The following MCU variants were observed in gnomAD, a reference collection of about 807,000 sequenced individuals.
MCU encodes mitochondrial calcium uniporter.
Under a neutral mutation model 45.2 loss-of-function variants are expected in MCU, and 12 were observed. That is an observed-to-expected ratio of 0.27 (90% CI 0.17 to 0.43). The LOEUF (loss-of-function observed/expected upper bound fraction) is 0.43, where lower values mean the gene tolerates loss of function less well. Among genes scored for constraint, MCU ranks in the 20% least tolerant of loss-of-function variants. MCU has a pLI of 1.00. For synonymous variants in MCU, 160 were observed against 165.1 expected (o/e 0.97, Z 0.24); for missense variants, 324 against 436.7 (o/e 0.74, Z 2.30).
chr10:72,835,494 A>G (rs1364687487), intron 2 of MCU, among the ~76,000 whole-genome samples: 2 of 152,238 alleles, frequency 1.3e-5, no homozygotes, highest in African/African-American at 4.8e-5. Context: ...AAGGGTGCCT[A>G]AAACTAAAGA....
intron 6 of MCU, among the ~76,000 whole-genome samples, chr10:72,876,425 A>G (rs1410554320): frequency 1.3e-5 from 2 of 152,140 alleles, no homozygotes; most frequent in Non-Finnish European, 2.9e-5. Flanking sequence ...TTTGTCTTTT[A>G]CAGTATGTAC....
chr10:72,739,057 G>A (rs539532889), intron 1 of MCU, among the ~76,000 whole-genome samples: 2 of 152,296 alleles, frequency 1.3e-5, no homozygotes, highest in African/African-American at 4.8e-5. Flanking sequence ...CACTTATACA[G>A]TGTGAACAGT....
At chr10:72,769,018 A>T (rs568329480) in intron 1 of MCU, among the ~76,000 whole-genome samples, 1 of 146,084 alleles carries the variant, frequency 6.8e-6, no homozygotes, top group East Asian at 2.0e-4. Flanking sequence ...TGCACAGCTA[A>T]TTTTTTTTTT....
chr10:72,827,651 G>GATAA (rs1390946190), intron 1 of MCU, among the ~76,000 whole-genome samples: 2 of 152,104 alleles, frequency 1.3e-5, no homozygotes, highest in African/African-American at 4.8e-5. Flanking sequence ...AATCTCTTAT[G>GATAA]GATATTGAAG....
At chr10:72,853,252 C>T (rs997182983) in intron 2 of MCU, among the ~76,000 whole-genome samples, 2 of 151,914 alleles carry the variant, frequency 1.3e-5, no homozygotes, top group Non-Finnish European at 2.9e-5. Context: ...TAAATATGAT[C>T]CTTATGCTCA....
chr10:72,749,766 T>C (rs1356441630), intron 1 of MCU, among the ~76,000 whole-genome samples: 1 of 152,104 alleles, frequency 6.6e-6, no homozygotes, highest in East Asian at 1.9e-4. Context: ...GTAGCTTTGC[T>C]ACCTTCTTTT....
At chr10:72,840,287 G>A (rs887985424) in intron 2 of MCU, among the ~76,000 whole-genome samples, 4 of 152,110 alleles carry the variant, frequency 2.6e-5, no homozygotes, top group African/African-American at 7.2e-5. Context: ...GATAATTAAT[G>A]ATATTGAACA....
intron 1 of MCU, among the ~76,000 whole-genome samples, chr10:72,726,256 C>CGTGTGTGTGTGTGTGT (rs60826955): frequency 2.1e-5 from 3 of 145,636 alleles, no homozygotes; most frequent in African/African-American, 7.5e-5. Context: ...CACACACACA[C>CGTGTGTGTGTGTGTGT]GTGTGTGTGT....
At chr10:72,784,471 A>C (rs1844042149) in intron 1 of MCU, among the ~76,000 whole-genome samples, 1 of 152,200 alleles carries the variant, frequency 6.6e-6, no homozygotes, top group Non-Finnish European at 1.5e-5. Context: ...TACAATTTTT[A>C]ATTGGCTACA....
chr10:72,822,064 T>G (rs911009974), intron 1 of MCU, among the ~76,000 whole-genome samples: 1 of 152,006 alleles, frequency 6.6e-6, no homozygotes, highest in African/African-American at 2.4e-5. Flanking sequence ...TCACCTGAGG[T>G]CAGGAGTTCA....
chr10:72,711,186 A>G (rs1397076805), intron 1 of MCU, among the ~76,000 whole-genome samples: 3 of 152,142 alleles, frequency 2.0e-5, no homozygotes, highest in Non-Finnish European at 4.4e-5. Flanking sequence ...TCAAAAAAAA[A>G]AAAAGTATTA....
intron 5 of MCU, among the ~76,000 whole-genome samples, chr10:72,869,229 G>A (rs1012767109): frequency 1.3e-5 from 2 of 152,198 alleles, no homozygotes; most frequent in African/African-American, 4.8e-5. Context: ...TTATCTGTAG[G>A]TTCTACATTT....
chr10:72,774,426 A>G (rs923857623), intron 1 of MCU, among the ~76,000 whole-genome samples: 2 of 152,172 alleles, frequency 1.3e-5, no homozygotes, highest in Non-Finnish European at 2.9e-5. Flanking sequence ...TACTAAAAAC[A>G]CAACAAATTA....
At chr10:72,840,411 CT>C (rs1430054567) in intron 2 of MCU, among the ~76,000 whole-genome samples, 2 of 152,020 alleles carry the variant, frequency 1.3e-5, no homozygotes. Flanking sequence ...TGTAAGTGTT[CT>C]TTATATAGTC....
At chr10:72,797,487 A>G (rs1188840506) in intron 1 of MCU, among the ~76,000 whole-genome samples, 1 of 150,890 alleles carries the variant, frequency 6.6e-6, no homozygotes, top group Non-Finnish European at 1.5e-5. Flanking sequence ...CAGCCTCTCA[A>G]AGTGTTGGGA....
chr10:72,876,924 T>TTG (rs1399012182), intron 6 of MCU, among the ~76,000 whole-genome samples: 2 of 149,764 alleles, frequency 1.3e-5, no homozygotes, highest in Admixed American at 6.6e-5. Flanking sequence ...AATCACAGTT[T>TTG]TTTTTTTTTT....
chr10:72,822,377 A>G (rs1305376753), intron 1 of MCU, among the ~76,000 whole-genome samples: 1 of 152,188 alleles, frequency 6.6e-6, no homozygotes, highest in Non-Finnish European at 1.5e-5. Flanking sequence ...CACACATTCT[A>G]TGGCCATTAA....
intron 1 of MCU, among the ~76,000 whole-genome samples, chr10:72,699,095 G>T (rs1842724416): frequency 6.6e-6 from 1 of 152,128 alleles, no homozygotes; most frequent in South Asian, 2.1e-4. Flanking sequence ...GAGCCACCGT[G>T]CCCGGACTCT....
At chr10:72,844,616 G>A (rs891390619) in intron 2 of MCU, among the ~76,000 whole-genome samples, 13 of 152,016 alleles carry the variant, frequency 8.6e-5, no homozygotes, top group Admixed American at 3.3e-4. Flanking sequence ...TTGCGGTAAT[G>A]TATAAGGAAG....
Sources: allele counts gnomAD v4.1 joint callset (sites outside exome capture counted in the v4.1 genomes callset), GRCh38; gene constraint gnomAD v4.1.1; transcripts MANE v1.5; gene names NCBI Gene and HGNC (gene_info 2026-07-23, HGNC 2026-07-21).